Variants in ATP8B4 observed in about 807,000 individuals in gnomAD.
ATP8B4 encodes the protein ATPase phospholipid transporting 8B4 (putative), also known as probable phospholipid-transporting ATPase IM.
Under a neutral mutation model 145.6 loss-of-function variants are expected in ATP8B4, and 133 were observed. The ratio of observed to expected loss-of-function variants is 0.91; its 90% CI spans 0.79 to 1.05. The LOEUF (loss-of-function observed/expected upper bound fraction) is 1.05. Ranked by LOEUF, ATP8B4 falls within the 50% of genes least tolerant of loss-of-function variation. ATP8B4 has a pLI of 0.00. For missense variants in ATP8B4, 1,458 were observed against 1,425.2 expected, an observed-to-expected ratio of 1.02 and a Z score of -0.37; for synonymous variants, 507 against 492.9, an observed-to-expected ratio of 1.03 and a Z score of -0.38.
intron 6 of ATP8B4, among the ~76,000 whole-genome samples, chr15:50,027,060 C>A (rs998272761): frequency 6.6e-6 from 1 of 152,116 alleles, no homozygotes; most frequent in East Asian, 1.9e-4. Context: ...ATTAGCTGTT[C>A]AATGGCTGAC....
At chr15:50,166,496 T>A (rs779539302) in intron 1 of ATP8B4, among the ~76,000 whole-genome samples, 1 of 152,206 alleles carries the variant, frequency 6.6e-6, no homozygotes, top group Non-Finnish European at 1.5e-5. Flanking sequence ...AACCCTCTAC[T>A]GGTGAGTGCC....
In ATP8B4 at chr15:50,086,765, T is replaced by G. The variant is rs1269246992; in HGVS notation, c.29-12580A>C. 8.2e-5 allele frequency among the ~76,000 whole-genome samples: 4 copies of G among 48,582 alleles called. 1 individual carries two copies. Among genetic ancestry groups the G allele is most frequent in the Admixed American group, 2.6e-4 (1 of 3,826 alleles). The allele number at this position is 48,582 out of a possible 152,430, so 31.9% of individuals were successfully genotyped here. A position where few individuals can be genotyped will look rare whatever the true frequency, so the allele number is the denominator to read the frequency against. On this transcript the variant is annotated intron_variant, in intron 2 of 27. Transcript: ENST00000284509. Reference sequence around the variant, plus strand: ...TTTATTATATATAAAATAATAGAGATCTATATTATTATATATAATAAAATA... The same window carrying G: ...TTTATTATATATAAAATAATAGAGAGCTATATTATTATATATAATAAAATA...
intron 12 of ATP8B4, among the ~76,000 whole-genome samples, chr15:49,977,048 C>T (rs866333262): frequency 3.9e-5 from 6 of 152,120 alleles, no homozygotes; most frequent in South Asian, 2.1e-4. Flanking sequence ...CGCCTTAACA[C>T]AACAGATAAA....
intron 14 of ATP8B4, among the ~76,000 whole-genome samples, chr15:49,938,362 C>A (rs972590170): frequency 1.3e-5 from 2 of 152,048 alleles, no homozygotes; most frequent in African/African-American, 4.8e-5. Context: ...AAACAAGAGA[C>A]CCATCTCACA....
rs191104234 is a variant in ATP8B4, at chr15:50,076,563, T to C, written c.29-2378A>G. Among the ~76,000 whole-genome samples, 6 of 152,192 alleles carry C rather than the reference T, an allele frequency of 3.9e-5. No individual in the cohort carries two copies. In the South Asian group the frequency reaches 8.3e-4, roughly 21 times the overall value. On this transcript the variant is annotated intron_variant, in intron 2 of 27. Transcript: ENST00000284509. ...TCCATGTAACCACACTCCACAAGGATAGGGACTAGCCCATTCCCAAAGCAG... is the reference window on the plus strand; with the variant it reads ...TCCATGTAACCACACTCCACAAGGACAGGGACTAGCCCATTCCCAAAGCAG...
At chr15:50,079,198 T>G (rs1223848584) in intron 2 of ATP8B4, among the ~76,000 whole-genome samples, 1 of 152,030 alleles carries the variant, frequency 6.6e-6, no homozygotes, top group Non-Finnish European at 1.5e-5. Context: ...AACCCATAAA[T>G]AGATATACCT....
At chr15:50,005,547 T>C (rs1599757433) in intron 7 of ATP8B4, among the ~76,000 whole-genome samples, 1 of 152,006 alleles carries the variant, frequency 6.6e-6, no homozygotes, top group African/African-American at 2.4e-5. Context: ...GAGGGAGGAA[T>C]AGACTCTACC....
intron 3 of ATP8B4, among the ~76,000 whole-genome samples, chr15:50,055,994 C>A (rs2052566487): frequency 6.6e-6 from 1 of 152,066 alleles, no homozygotes; most frequent in Non-Finnish European, 1.5e-5. Flanking sequence ...AGGATAGGGG[C>A]AATGGAAAGA....
intron 2 of ATP8B4, among the ~76,000 whole-genome samples, chr15:50,085,970 T>TCATATATATTTA (rs1567331476): frequency 1.1e-5 from 1 of 89,242 alleles, no homozygotes; most frequent in Non-Finnish European, 1.8e-5. Context: ...TATTTATATA[T>TCATATATATTTA]GATATATCAA....
chr15:50,031,397 T>A (rs1365182325), intron 6 of ATP8B4, among the ~76,000 whole-genome samples: 1 of 152,136 alleles, frequency 6.6e-6, no homozygotes, highest in African/African-American at 2.4e-5. Context: ...GTCCTGTGCC[T>A]TGTGTTTAAC....
intron 6 of ATP8B4, among the ~76,000 whole-genome samples, chr15:50,038,477 T>G (rs778021042): frequency 6.6e-6 from 1 of 152,136 alleles, no homozygotes; most frequent in Non-Finnish European, 1.5e-5. Context: ...GAACCCCATA[T>G]GCACCAATTC....
chr15:49,994,611 G>A (rs1176275626), intron 9 of ATP8B4, among the ~76,000 whole-genome samples: 1 of 151,912 alleles, frequency 6.6e-6, no homozygotes, highest in African/African-American at 2.4e-5. Context: ...GCCAGACAGT[G>A]CTAAGTGCTA....
At chr15:49,899,952 C>A (rs2037836318) in intron 21 of ATP8B4, among the ~76,000 whole-genome samples, 1 of 152,228 alleles carries the variant, frequency 6.6e-6, no homozygotes, top group Middle Eastern at 3.4e-3. Context: ...TAAATTATCA[C>A]CTGAGTACTC....
intron 23 of ATP8B4, chr15:49,879,689 T>G (rs2035077472): frequency 4.6e-6 from 2 of 436,860 alleles, no homozygotes; most frequent in African/African-American, 4.1e-5. Context: ...ATACCCTTCC[T>G]GCAGTGTGGC....
intron 26 of ATP8B4, among the ~76,000 whole-genome samples, chr15:49,864,488 C>G (rs1299745995): frequency 6.6e-6 from 1 of 152,186 alleles, no homozygotes; most frequent in South Asian, 2.1e-4. Flanking sequence ...CGGTTAGCAG[C>G]TTATTTCACA....
intron 1 of ATP8B4, among the ~76,000 whole-genome samples, chr15:50,139,358 T>C (rs1017955375): frequency 1.5e-4 from 23 of 152,126 alleles, no homozygotes; most frequent in Admixed American, 1.2e-3. Context: ...ACACCGCATG[T>C]TCTCACTCAT....
intron 13 of ATP8B4, 76 bp from the exon 14 acceptor site, chr15:49,962,096 AC>A: frequency 5.3e-6 from 6 of 1,132,412 alleles, no homozygotes; most frequent in Non-Finnish European, 7.6e-6. Context: ...TAAGGAATAC[AC>A]TTATTATTTA....
At chr15:49,923,819 T>C (rs912075010) in intron 16 of ATP8B4, among the ~76,000 whole-genome samples, 1 of 152,214 alleles carries the variant, frequency 6.6e-6, no homozygotes, top group Non-Finnish European at 1.5e-5. Flanking sequence ...TTCATCTCCA[T>C]ATTAAGCAGA....
intron 3 of ATP8B4, among the ~76,000 whole-genome samples, chr15:50,072,012 CTAAATATTAATAAATATTAA>C (rs57022573): frequency 1.0e-4 from 15 of 150,678 alleles, no homozygotes; most frequent in South Asian, 2.1e-4. Context: ...GCTACCTCTC[CTAAATATTAATAAATATTAA>C]TAAATATTAA....
Sources: gnomAD v4.1 joint callset for allele counts (sites outside exome capture counted in the v4.1 genomes callset) on GRCh38, gnomAD v4.1.1 for gene constraint, MANE v1.5 for transcripts, NCBI Gene and HGNC (gene_info 2026-07-23, HGNC 2026-07-21) for gene names.